Variants in TADA2A observed in about 807,000 individuals in gnomAD.
TADA2A encodes transcriptional adapter 2-alpha.
In TADA2A, 38 loss-of-function variants were observed where a neutral mutation model predicts 67.4. The observed-to-expected ratio is 0.56, with a 90% CI of 0.44 to 0.74. TADA2A has a LOEUF of 0.74. Ranked by LOEUF, TADA2A falls within the 30% of genes least tolerant of loss-of-function variation. The pLI, the probability that TADA2A is intolerant of heterozygous loss-of-function variation, is 0.00. For missense variants in TADA2A, 454 were observed against 547.0 expected (o/e 0.83, Z 1.70); for synonymous variants, 192 against 181.6 (o/e 1.06, Z -0.46).
chr17:37,438,003 T>C, intron 5 of TADA2A, 174 bp downstream of exon 5: 1 of 620,486 alleles, frequency 1.6e-6, no homozygotes, highest in Non-Finnish European at 2.8e-6. Flanking sequence ...TGTCGAAATG[T>C]GTCACGAGGA....
intron 14 of TADA2A, among the ~76,000 whole-genome samples, chr17:37,472,509 CAACACTCT>C (rs976975682): frequency 4.6e-5 from 7 of 151,974 alleles, no homozygotes; most frequent in African/African-American, 1.4e-4. Context: ...TTCTTACTGC[CAACACTCT>C]ACCCCCAAAA....
chr17:37,474,926 G>A (rs2107104), intron 15 of TADA2A, among the ~76,000 whole-genome samples: 110,331 of 152,130 alleles, frequency 0.73, 40,653 homozygotes, highest in East Asian at 0.97. Context: ...CTACTCTACT[G>A]AGTGCTTTAT....
intron 2 of TADA2A, among the ~76,000 whole-genome samples, chr17:37,418,192 T>C (rs2052111565): frequency 6.6e-6 from 1 of 152,234 alleles, no homozygotes; most frequent in Non-Finnish European, 1.5e-5. Context: ...TCAAAAATAC[T>C]TTGCTTTATA....
At chr17:37,451,222 G>C (rs924309418) in intron 8 of TADA2A, among the ~76,000 whole-genome samples, 1 of 151,854 alleles carries the variant, frequency 6.6e-6, no homozygotes, top group East Asian at 1.9e-4. Flanking sequence ...TGTAGAGACA[G>C]AATCTCAATG....
chr17:37,470,516 C>T lies in TADA2A; in HGVS notation c.1012C>T (p.Arg338Cys), dbSNP rs765510378. The T allele has an allele frequency of 8.3e-6, 13 of 1,568,822 alleles. No homozygotes were observed. Among genetic ancestry groups the T allele is most frequent in the East Asian group, 7.1e-5 (3 of 42,052 alleles). The stretch of plus-strand genomic sequence containing the variant: ...CAGTAGTGCTTGCCAGCAGTGGCTC[C>T]GCCGGCAAGCTGACATGTGAGTAAT... Reference protein sequence around the residue: ...QDSSACQQWLRRQADIDSGLS... With the variant: ...QDSSACQQWLCRQADIDSGLS... The change falls in exon 13 of 16, where the codon CGC becomes TGC. Residue 338 changes from arginine (R) to cysteine (C), a missense_variant. Physicochemically the swap from Arg to Cys is radical, Grantham distance 180. Transcript: ENST00000615182.
intron 7 of TADA2A, 81 bp downstream of exon 7, chr17:37,442,733 C>A: frequency 7.7e-7 from 1 of 1,298,534 alleles, no homozygotes. Flanking sequence ...CCCATAGATT[C>A]CATACCACTA....
chr17:37,408,891 A>G (rs909449986), intron 1 of TADA2A, among the ~76,000 whole-genome samples: 26 of 152,164 alleles, frequency 1.7e-4, no homozygotes, highest in Non-Finnish European at 2.9e-5. Flanking sequence ...TGTTGCCCAC[A>G]CTTAGTGATG....
rs960779577 is a variant in TADA2A, at chr17:37,416,504, GT to G, written c.25+5120del. ...CCTTATGGTGTTTTTGCCAAAAAAA[GT>G]TTTTTGTTTTCTTTTTATTAATGTA... On this transcript the variant is annotated intron_variant, in intron 2 of 15. Transcript: ENST00000615182. Among the ~76,000 whole-genome samples, 109 of 152,096 alleles carry G rather than the reference GT, an allele frequency of 7.2e-4. 1 individual carries two copies. The highest frequency in any genetic ancestry group is 1.0e-4 in the Non-Finnish European group (7 of 67,982).
At chr17:37,446,493 G>A (rs1182156959) in intron 8 of TADA2A, among the ~76,000 whole-genome samples, 2 of 151,896 alleles carry the variant, frequency 1.3e-5, no homozygotes, top group Non-Finnish European at 2.9e-5. Flanking sequence ...GCTGGGCATG[G>A]TGGGTCACAC....
Position 37,440,579 on chromosome 17 carries a change from A to G in TADA2A, c.359A>G (p.Asn120Ser), listed in dbSNP as rs762476985. 28 of 1,614,170 alleles carry G rather than the reference A, an allele frequency of 1.7e-5. No individual in the cohort carries two copies. The South Asian group carries it at 1.9e-4, about 11-fold the overall frequency. The part of the protein sequence containing the change: ...CEKHYMKHFI[N>S]NPLFASTLLN... ...AAGCACTATATGAAGCATTTCATCA[A>G]TAACCCTCTGTTTGCATCTACCCTG... The change falls in exon 6 of 16, where the codon AAT becomes AGT. Residue 120 changes from asparagine (N) to serine (S), a missense_variant. This residue lies in a region of TADA2A where 403 missense variants were observed against 455.5 expected (regional missense o/e 0.88). Transcript: ENST00000615182.
At chr17:37,437,914 GA>G (rs2052781187) in intron 5 of TADA2A, 85 bp downstream of exon 5, 6 of 1,280,518 alleles carry the variant, frequency 4.7e-6, no homozygotes, top group Non-Finnish European at 5.6e-6. Context: ...GGAACCTCAG[GA>G]AGAGAAAGTA....
chr17:37,416,341 A>C (rs780310283), intron 2 of TADA2A, among the ~76,000 whole-genome samples: 2 of 151,728 alleles, frequency 1.3e-5, no homozygotes, highest in Admixed American at 6.6e-5. Flanking sequence ...GCTGGTCTCG[A>C]ACTCCCAACC....
chr17:37,458,637 T>TG (rs765871518), intron 9 of TADA2A, 50 bp downstream of exon 9: 1 of 922,824 alleles, frequency 1.1e-6, no homozygotes, highest in African/African-American at 1.8e-5. Flanking sequence ...GATTATTGTT[T>TG]TGTGTGTGTG....
intron 6 of TADA2A, among the ~76,000 whole-genome samples, chr17:37,442,189 T>C (rs543450550): frequency 1.3e-5 from 2 of 151,632 alleles, no homozygotes; most frequent in East Asian, 3.9e-4. Flanking sequence ...GTGTTTGTTT[T>C]TTTCCCGTCT....
chr17:37,466,078 G>A (rs11867983), intron 11 of TADA2A, among the ~76,000 whole-genome samples: 35,814 of 152,110 alleles, frequency 0.24, 4,343 homozygotes, highest in Middle Eastern at 0.35. Flanking sequence ...TGGTATTTCT[G>A]TGAGAGCTCT....
At chr17:37,426,845 C>T (rs1378184560) in intron 3 of TADA2A, 105 bp from the exon 4 acceptor site, 1 of 1,077,918 alleles carries the variant, frequency 9.3e-7, no homozygotes, top group African/African-American at 1.6e-5. Context: ...ACCCTGTCTC[C>T]AAAAATAAAA....
chr17:37,424,243 GTCAACATGGT>G (rs2052335088), intron 3 of TADA2A, among the ~76,000 whole-genome samples: 1 of 151,884 alleles, frequency 6.6e-6, no homozygotes, highest in Admixed American at 6.6e-5. Context: ...GACCAGCCCG[GTCAACATGGT>G]TCAACATGGT....
intron 4 of TADA2A, among the ~76,000 whole-genome samples, chr17:37,434,601 TC>T (rs1044955073): frequency 1.3e-5 from 2 of 152,238 alleles, no homozygotes; most frequent in African/African-American, 4.8e-5. Context: ...TACTTCAGAT[TC>T]ATTTAGGACC....
chr17:37,416,193 AC>A (rs1342237512), intron 2 of TADA2A, among the ~76,000 whole-genome samples: 1 of 148,432 alleles, frequency 6.7e-6, no homozygotes, highest in Non-Finnish European at 1.5e-5. Context: ...ATCTCGGCTC[AC>A]CGTAACCTCT....
Sources: gnomAD v4.1 joint callset for allele counts (sites outside exome capture counted in the v4.1 genomes callset) on GRCh38, gnomAD v4.1.1 for gene constraint, gnomAD v4.1.1 regional missense constraint, MANE v1.5 for transcripts, NCBI Gene and HGNC (gene_info 2026-07-23, HGNC 2026-07-21) for gene names.